Variants in ARHGAP40 observed in about 807,000 individuals in gnomAD.
ARHGAP40 encodes Rho GTPase activating protein 40.
Under a neutral mutation model 73.5 loss-of-function variants are expected in ARHGAP40, and 43 were observed. The ratio of observed to expected loss-of-function variants is 0.58; its 90% CI spans 0.46 to 0.75. The LOEUF is 0.75. ARHGAP40 is among the 30% of genes least tolerant of loss of function. The probability of loss-of-function intolerance (pLI) is 0.00; values close to 1 mark genes in which losing one functional copy is unlikely to be tolerated. For synonymous variants in ARHGAP40, 300 were observed against 352.8 expected (o/e 0.85, Z 1.68); for missense variants, 734 against 861.8 (o/e 0.85, Z 1.86).
chr20:38,631,984 G>C (rs1011174304), intron 5 of ARHGAP40, among the ~76,000 whole-genome samples: 3 of 151,386 alleles, frequency 2.0e-5, no homozygotes, highest in African/African-American at 7.3e-5. Context: ...TTTCTTTTTT[G>C]AAACAGTCTC....
exon 11 of ARHGAP40, chr20:38,643,751 C>A (rs1164376706): frequency 7.7e-7 from 1 of 1,305,942 alleles, no homozygotes; most frequent in East Asian, 5.5e-5. Context: ...AACAGCACAA[C>A]AAGATGACTC....
chr20:38,615,474 C>T, intron 1 of ARHGAP40: 1 of 685,060 alleles, frequency 1.5e-6, no homozygotes, highest in South Asian at 1.5e-5. Flanking sequence ...CGGCCACGTC[C>T]ATGGCGGCGC....
chr20:38,601,935 G>GC (rs758944120), exon 1 of ARHGAP40: 2 of 1,287,616 alleles, frequency 1.6e-6, no homozygotes, highest in African/African-American at 3.0e-5. Flanking sequence ...TCCTCGAGGT[G>GC]CCAGCCCATG....
intron 1 of ARHGAP40, among the ~76,000 whole-genome samples, chr20:38,619,770 C>G (rs1460956495): frequency 1.3e-5 from 2 of 151,316 alleles, no homozygotes; most frequent in Non-Finnish European, 2.9e-5. Context: ...AACAATAGCA[C>G]CCCTACATGG....
At chr20:38,608,051 T>G (rs1214917603) in intron 1 of ARHGAP40, among the ~76,000 whole-genome samples, 2 of 152,238 alleles carry the variant, frequency 1.3e-5, no homozygotes, top group Non-Finnish European at 2.9e-5. Flanking sequence ...ATGACATTTT[T>G]TATAGTGTCT....
In ARHGAP40 at chr20:38,643,690, G is replaced by A. The variant is rs1256966827; in HGVS notation, c.1363-14G>A. ...TGGGCTGAGATTTGAGGGAGGCTCT[G>A]CACCCTTCCCTAGGCACTGCTGGAA... is the stretch of plus-strand genomic sequence containing the variant. On this transcript the variant is annotated splice_polypyrimidine_tract_variant and intron_variant, in intron 10 of 14. Transcript: ENST00000373345. The A allele has an allele frequency of 7.7e-7, 1 of 1,305,164 alleles. No individual in the cohort carries two copies. The highest frequency in any genetic ancestry group is 1.0e-6 in the Non-Finnish European group (1 of 988,576). The allele number at this position is 1,305,164 out of a possible 1,614,324, so 80.8% of individuals were successfully genotyped here.
chr20:38,602,786 C>T (rs1373385479), intron 1 of ARHGAP40, among the ~76,000 whole-genome samples: 1 of 152,168 alleles, frequency 6.6e-6, no homozygotes, highest in Admixed American at 6.5e-5. Flanking sequence ...TTTTCCCCTG[C>T]AACCCCTCAA....
intron 7 of ARHGAP40, among the ~76,000 whole-genome samples, chr20:38,638,232 G>A (rs11696805): frequency 0.17 from 25,990 of 151,802 alleles, 2,854 homozygotes; most frequent in Non-Finnish European, 0.25. Flanking sequence ...GGAGAACGGT[G>A]TGAACCCAGG....
At chr20:38,614,970 G>C in intron 1 of ARHGAP40, 2 of 1,226,246 alleles carry the variant, frequency 1.6e-6, no homozygotes, top group Non-Finnish European at 2.4e-6. Context: ...GAGTTTGTAC[G>C]TGTGGTTGAG....
intron 11 of ARHGAP40, among the ~76,000 whole-genome samples, chr20:38,645,038 C>G (rs1408515984): frequency 6.6e-6 from 1 of 152,192 alleles, no homozygotes; most frequent in Non-Finnish European, 1.5e-5. Flanking sequence ...TGCCTGGGCA[C>G]TCGTCTGTGT....
intron 1 of ARHGAP40, chr20:38,614,888 C>A: frequency 4.6e-6 from 6 of 1,291,320 alleles, no homozygotes; most frequent in South Asian, 1.2e-5. Flanking sequence ...CATCCCCCAG[C>A]AAGCTGCCTG....
At chr20:38,629,853 C>G (rs2145605964) in intron 5 of ARHGAP40, among the ~76,000 whole-genome samples, 1 of 152,338 alleles carries the variant, frequency 6.6e-6, no homozygotes. Context: ...GTCTAACAGT[C>G]CTGTCAGTAT....
chr20:38,630,520 C>T (rs942292491), intron 5 of ARHGAP40, among the ~76,000 whole-genome samples: 13 of 152,100 alleles, frequency 8.5e-5, no homozygotes, highest in African/African-American at 1.9e-4. Context: ...TGCACCTGGC[C>T]GTTCTTTTTT....
At chr20:38,620,913 T>C (rs1044607592) in intron 1 of ARHGAP40, among the ~76,000 whole-genome samples, 4 of 152,256 alleles carry the variant, frequency 2.6e-5, no homozygotes, top group African/African-American at 9.6e-5. Context: ...GGTAAAATCC[T>C]GGCAGGAAAG....
At chr20:38,650,273 T>C in exon 15 of ARHGAP40, 1 of 458,694 alleles carries the variant, frequency 2.2e-6, no homozygotes, top group South Asian at 1.6e-5. Flanking sequence ...TGTCTGTGGC[T>C]TCCAGACTGG....
intron 7 of ARHGAP40, among the ~76,000 whole-genome samples, chr20:38,638,250 G>C (rs1306468491): frequency 6.6e-6 from 1 of 152,034 alleles, no homozygotes. Flanking sequence ...AGGAGGCGGA[G>C]CTTGCAGTGA....
intron 1 of ARHGAP40, chr20:38,615,533 G>C (rs1002993718): frequency 1.6e-6 from 1 of 608,062 alleles, no homozygotes; most frequent in Admixed American, 2.3e-5. Context: ...TCAGTGTCCC[G>C]GAGGAGGTGC....
chr20:38,629,743 C>A, intron 5 of ARHGAP40, 93 bp downstream of exon 5: 1 of 1,200,024 alleles, frequency 8.3e-7, no homozygotes, highest in Non-Finnish European at 1.1e-6. Context: ...TGACAGGCAT[C>A]CAGCACAAAA....
At chr20:38,620,295 G>A (rs1023241700) in intron 1 of ARHGAP40, among the ~76,000 whole-genome samples, 3 of 152,116 alleles carry the variant, frequency 2.0e-5, no homozygotes, top group Non-Finnish European at 4.4e-5. Context: ...TCTTCCTATC[G>A]TTCTCTTCCT....
Sources: gnomAD v4.1 joint callset for allele counts (sites outside exome capture counted in the v4.1 genomes callset) on GRCh38, gnomAD v4.1.1 for gene constraint, MANE v1.5 for transcripts, NCBI Gene and HGNC (gene_info 2026-07-23, HGNC 2026-07-21) for gene names.